The following SEMA3E variants were observed in gnomAD, a reference collection of about 807,000 sequenced individuals.
SEMA3E encodes the protein semaphorin-3E.
In SEMA3E, 49 loss-of-function variants were observed where a neutral mutation model predicts 93.6. The ratio of observed to expected loss-of-function variants is 0.52; its 90% CI spans 0.42 to 0.66. SEMA3E has a LOEUF of 0.66. Among genes scored for constraint, SEMA3E ranks in the 30% least tolerant of loss-of-function variants. The probability of loss-of-function intolerance (pLI) is 0.00; values close to 1 mark genes in which losing one functional copy is unlikely to be tolerated. For synonymous variants in SEMA3E, 363 were observed against 330.7 expected (o/e 1.10, Z -1.06); for missense variants, 906 against 964.8 (o/e 0.94, Z 0.81).
chr7:83,389,699 C>T (rs922776569), intron 14 of SEMA3E, among the ~76,000 whole-genome samples: 2 of 148,720 alleles, frequency 1.3e-5, no homozygotes, highest in African/African-American at 4.9e-5. Context: ...TGTATACATA[C>T]ACACATATAT....
At chr7:83,546,542 C>A (rs1318881152) in intron 1 of SEMA3E, among the ~76,000 whole-genome samples, 1 of 151,898 alleles carries the variant, frequency 6.6e-6, no homozygotes, top group Non-Finnish European at 1.5e-5. Flanking sequence ...CAATTTTACT[C>A]AAGACAAATC....
chr7:83,552,848 C>T (rs1336140767), intron 1 of SEMA3E, among the ~76,000 whole-genome samples: 1 of 152,148 alleles, frequency 6.6e-6, no homozygotes, highest in Non-Finnish European at 1.5e-5. Context: ...CAAGACAATA[C>T]ATGCACTGCT....
At chr7:83,521,836 C>T (rs1298826560) in intron 1 of SEMA3E, among the ~76,000 whole-genome samples, 1 of 152,034 alleles carries the variant, frequency 6.6e-6, no homozygotes. Flanking sequence ...TTAATTATCT[C>T]CTTACTCCAA....
At chr7:83,414,833 T>A (rs1039359384) in intron 5 of SEMA3E, among the ~76,000 whole-genome samples, 5 of 152,008 alleles carry the variant, frequency 3.3e-5, no homozygotes, top group South Asian at 2.1e-4. Context: ...ACCTTAGGCA[T>A]TTCAGTAATG....
rs144926686 is a variant in SEMA3E at position 83,475,784 on chromosome 7, A to G, written c.277-6482T>C. ...TCAGACCCTTCACAGTTTTTGTCAC[A>G]AAGATAAGATATTATGTGATGGTGA... On this transcript the variant is annotated intron_variant, in intron 2 of 16. Transcript: ENST00000643230. Among the ~76,000 whole-genome samples, 88 of 152,332 alleles carry G rather than the reference A, an allele frequency of 5.8e-4. No individual in the cohort carries two copies. The East Asian group carries it at 0.016, about 28-fold the overall frequency.
chr7:83,638,806 G>A (rs1484786659), intron 1 of SEMA3E, among the ~76,000 whole-genome samples: 6 of 152,106 alleles, frequency 3.9e-5, no homozygotes, highest in African/African-American at 1.4e-4. Context: ...ATCACACACA[G>A]GACTTGTTAA....
At chr7:83,605,945 A>G (rs1793108753) in intron 1 of SEMA3E, among the ~76,000 whole-genome samples, 1 of 152,120 alleles carries the variant, frequency 6.6e-6, no homozygotes, top group Non-Finnish European at 1.5e-5. Context: ...GAAGATCTTT[A>G]TCTTAATTAG....
intron 1 of SEMA3E, among the ~76,000 whole-genome samples, chr7:83,578,223 T>A (rs1792448693): frequency 6.6e-6 from 1 of 152,118 alleles, no homozygotes; most frequent in African/African-American, 2.4e-5. Flanking sequence ...GATATTTAAT[T>A]TGGCTTAATG....
intron 4 of SEMA3E, among the ~76,000 whole-genome samples, chr7:83,462,554 C>G (rs1266727611): frequency 6.6e-6 from 1 of 152,074 alleles, no homozygotes; most frequent in Non-Finnish European, 1.5e-5. Flanking sequence ...CCTTAACCCA[C>G]AAGTATAAGA....
chr7:83,595,468 A>G (rs1306352524), intron 1 of SEMA3E, among the ~76,000 whole-genome samples: 3 of 152,072 alleles, frequency 2.0e-5, no homozygotes, highest in Non-Finnish European at 4.4e-5. Flanking sequence ...ATACTGCCAT[A>G]ATGTTATTAA....
intron 1 of SEMA3E, among the ~76,000 whole-genome samples, chr7:83,588,388 A>C (rs1412402571): frequency 1.3e-5 from 2 of 151,624 alleles, no homozygotes. Flanking sequence ...TAAAAAAAAA[A>C]AGAAGAAGAA....
At chr7:83,578,147 T>TAAA (rs35666333) in intron 1 of SEMA3E, among the ~76,000 whole-genome samples, 2,620 of 150,610 alleles carry the variant, frequency 0.017, 36 homozygotes, top group Middle Eastern at 0.031. Flanking sequence ...GTTTTCTCAT[T>TAAA]AAAAAAAAAC....
At position 83,407,178 on chromosome 7, in the gene SEMA3E, T is replaced by C. The variant is rs747116916; in HGVS notation, c.732A>G (p.Val244=). The part of the protein sequence containing the change: ...PDNEDRDDNK[V]YFFFTEKALE... ...GTGCCTTCTCAGTAAAAAAGAAATA[T>C]ACTTTGTTGTCATCTCTGTCTTCAT... The change falls in exon 7 of 17, where the codon GTA becomes GTG. Residue 244 remains valine, a synonymous_variant. Coordinates refer to ENST00000643230, the MANE Select transcript of SEMA3E (RefSeq NM_012431.3). The C allele has an allele frequency of 4.3e-6, 7 of 1,613,434 alleles. No individual in the cohort carries two copies. The highest frequency in any genetic ancestry group is 3.3e-5 in the South Asian group (3 of 91,086).
Position 83,543,041 on chromosome 7 carries a change from A to T in SEMA3E, c.116-52767T>A, listed in dbSNP as rs1002603450. Among the ~76,000 whole-genome samples, 9 of 152,186 alleles carry T rather than the reference A, an allele frequency of 5.9e-5. 1 individual carries two copies. Among genetic ancestry groups the T allele is most frequent in the Admixed American group, 6.6e-5 (1 of 15,266 alleles). On this transcript the variant is annotated intron_variant, in intron 1 of 16. Transcript: ENST00000643230. ...TAAGGCTTTAGGGAAGTTACTTACT[A>T]TGTTAATATGGGCCTCAGTTTTTCC... is the stretch of plus-strand genomic sequence containing the variant.
At chr7:83,403,305 G>T in intron 9 of SEMA3E, among the ~76,000 whole-genome samples, 1 of 151,672 alleles carries the variant, frequency 6.6e-6, no homozygotes, top group South Asian at 2.1e-4. Flanking sequence ...TTTTAGCGGG[G>T]GTTCATGTAA....
intron 4 of SEMA3E, among the ~76,000 whole-genome samples, chr7:83,454,837 G>A (rs1347309482): frequency 6.6e-6 from 1 of 152,162 alleles, no homozygotes; most frequent in African/African-American, 2.4e-5. Flanking sequence ...TGTCTAAATA[G>A]TAATCTCCTG....
At chr7:83,487,788 G>C (rs1027078398) in intron 2 of SEMA3E, among the ~76,000 whole-genome samples, 4 of 151,222 alleles carry the variant, frequency 2.6e-5, no homozygotes, top group African/African-American at 9.7e-5. Flanking sequence ...AGTCAAAAGA[G>C]AACTACATAG....
chr7:83,644,504 G>GT (rs879842277), intron 1 of SEMA3E, among the ~76,000 whole-genome samples: 5 of 151,818 alleles, frequency 3.3e-5, no homozygotes, highest in Non-Finnish European at 5.9e-5. Context: ...AATATAAATA[G>GT]TTTTTAGGTG....
chr7:83,529,475 G>C (rs78305550), intron 1 of SEMA3E, among the ~76,000 whole-genome samples: 1 of 152,208 alleles, frequency 6.6e-6, no homozygotes, highest in Non-Finnish European at 1.5e-5. Flanking sequence ...CATATTGTAA[G>C]GAGATTCAAT....
Sources: allele counts gnomAD v4.1 joint callset (sites outside exome capture counted in the v4.1 genomes callset), GRCh38; gene constraint gnomAD v4.1.1; transcripts MANE v1.5; gene names NCBI Gene and HGNC (gene_info 2026-07-23, HGNC 2026-07-21).